TAFA4: variants seen among roughly 807,000 people sequenced by gnomAD.
The protein encoded by TAFA4 is TAFA chemokine like family member 4.
Under a neutral mutation model 21.1 loss-of-function variants are expected in TAFA4, and 20 were observed. That is an observed-to-expected ratio of 0.95 (90% confidence interval 0.67 to 1.38). The LOEUF (loss-of-function observed/expected upper bound fraction) is 1.38. Among genes scored for constraint, TAFA4 ranks in the 40% most tolerant of loss-of-function variants. TAFA4 has a pLI of 0.00. For missense variants in TAFA4, 211 were observed against 180.9 expected (o/e 1.17, Z -0.95); for synonymous variants, 71 against 67.4 (o/e 1.05, Z -0.26).
chr3:68,810,107 A>G (rs1335188397), intron 3 of TAFA4, among the ~76,000 whole-genome samples: 1 of 152,162 alleles, frequency 6.6e-6, no homozygotes, highest in African/African-American at 2.4e-5. Flanking sequence ...CTACCTCTAT[A>G]AAAAATGTGA....
At chr3:68,919,996 G>C (rs2107020771) in intron 1 of TAFA4, among the ~76,000 whole-genome samples, 1 of 152,196 alleles carries the variant, frequency 6.6e-6, no homozygotes, top group Non-Finnish European at 1.5e-5. Flanking sequence ...ATTATGAGAA[G>C]GCTTTAAACA....
intron 4 of TAFA4, among the ~76,000 whole-genome samples, chr3:68,740,660 A>T (rs902251571): frequency 6.6e-6 from 1 of 152,088 alleles, no homozygotes; most frequent in Non-Finnish European, 1.5e-5. Flanking sequence ...CATTTGATGT[A>T]GTCCCAATTG....
intron 1 of TAFA4, among the ~76,000 whole-genome samples, chr3:68,906,169 C>G (rs372103813): frequency 6.6e-6 from 1 of 152,196 alleles, no homozygotes; most frequent in South Asian, 2.1e-4. Context: ...TTCAAAGGAA[C>G]AAGTGTCGTT....
intron 3 of TAFA4, among the ~76,000 whole-genome samples, chr3:68,801,793 A>G (rs1446913757): frequency 6.6e-6 from 1 of 152,196 alleles, no homozygotes; most frequent in Admixed American, 6.5e-5. Flanking sequence ...GTGCCCTACA[A>G]AAAGATACAG....
rs2089659220 is a variant in TAFA4, at chr3:68,885,277, T to C, written c.-89A>G. On this transcript the variant is annotated 5_prime_UTR_variant, in exon 2 of 6. Coordinates refer to ENST00000295569, the MANE Select transcript of TAFA4 (RefSeq NM_182522.5). ...ATCTGTTGCTAGAACCAATCATTTC[T>C]GCCGTTCCAAAAAATTATCGTAGCT... The C allele has an allele frequency of 5.3e-6, 7 of 1,328,026 alleles. No homozygotes were observed. Among genetic ancestry groups the C allele is most frequent in the Non-Finnish European group, 7.3e-6 (7 of 953,878 alleles). The allele number at this position is 1,328,026 out of a possible 1,614,324, so 82.3% of individuals were successfully genotyped here. A position where few individuals can be genotyped will look rare whatever the true frequency, so the allele number is the denominator to read the frequency against.
At chr3:68,882,971 A>G (rs936120687) in intron 2 of TAFA4, 1 of 152,258 alleles carries the variant, frequency 6.6e-6, no homozygotes, top group African/African-American at 2.4e-5. Context: ...ACAACAATCT[A>G]TAGCCATACT....
At position 68,753,020 on chromosome 3, in the gene TAFA4, TA is replaced by T. The variant is rs775169718; in HGVS notation, c.131-3del. ...TCCCTTGCTTGATTTGGTGGTGACC[TA>T]GTTGGTAATGGGGGAGAAAAACAAA... On this transcript the variant is annotated splice_polypyrimidine_tract_variant and splice_region_variant and intron_variant, in intron 3 of 5. Coordinates refer to ENST00000295569, the MANE Select transcript of TAFA4 (RefSeq NM_182522.5). 6.2e-6 allele frequency: 10 copies of T among 1,611,946 alleles called. No homozygotes were observed. The South Asian group carries it at 9.9e-5, about 16-fold the overall frequency.
At chr3:68,893,960 G>T (rs910108726) in intron 1 of TAFA4, among the ~76,000 whole-genome samples, 1 of 151,966 alleles carries the variant, frequency 6.6e-6, no homozygotes, top group African/African-American at 2.4e-5. Context: ...TAAATAGAAT[G>T]CAAACTATCC....
chr3:68,773,900 G>A (rs931731559), intron 3 of TAFA4, among the ~76,000 whole-genome samples: 1 of 152,178 alleles, frequency 6.6e-6, no homozygotes, highest in African/African-American at 2.4e-5. Flanking sequence ...GCAAGCGTGA[G>A]ACTTACTCAA....
intron 3 of TAFA4, among the ~76,000 whole-genome samples, chr3:68,853,054 G>T (rs980578220): frequency 5.3e-5 from 8 of 151,948 alleles, no homozygotes; most frequent in Admixed American, 3.3e-4. Context: ...GAAATGCAAA[G>T]GTTCAATTAT....
chr3:68,823,101 G>T (rs1180918424), intron 3 of TAFA4, among the ~76,000 whole-genome samples: 1 of 152,138 alleles, frequency 6.6e-6, no homozygotes, highest in African/African-American at 2.4e-5. Flanking sequence ...GTTTCACCAT[G>T]ATTTCTGGTG....
At chr3:68,765,928 T>G (rs1184533634) in intron 3 of TAFA4, among the ~76,000 whole-genome samples, 2 of 152,154 alleles carry the variant, frequency 1.3e-5, no homozygotes, top group African/African-American at 4.8e-5. Flanking sequence ...TGACCATCAG[T>G]GTACTCAAAA....
chr3:68,861,850 G>A (rs1222386810), intron 3 of TAFA4, among the ~76,000 whole-genome samples: 2 of 152,076 alleles, frequency 1.3e-5, no homozygotes, highest in African/African-American at 4.8e-5. Flanking sequence ...CTGAGAAGAC[G>A]AAGGTGGGTA....
intron 3 of TAFA4, among the ~76,000 whole-genome samples, chr3:68,832,442 C>G (rs1047269764): frequency 6.6e-5 from 10 of 152,214 alleles, no homozygotes; most frequent in Admixed American, 2.0e-4. Context: ...AGAAGCCCCT[C>G]AACTGCAGAT....
At chr3:68,771,487 C>A (rs1702956619) in intron 3 of TAFA4, among the ~76,000 whole-genome samples, 1 of 152,222 alleles carries the variant, frequency 6.6e-6, no homozygotes, top group Admixed American at 6.5e-5. Flanking sequence ...AAAATATGAG[C>A]CACACCCTGT....
chr3:68,850,163 C>T (rs762775915), intron 3 of TAFA4, among the ~76,000 whole-genome samples: 2 of 152,288 alleles, frequency 1.3e-5, no homozygotes, highest in Admixed American at 6.5e-5. Context: ...AAATGCAACT[C>T]ATTTATACTA....
intron 3 of TAFA4, among the ~76,000 whole-genome samples, chr3:68,790,810 G>A (rs1300495127): frequency 6.6e-6 from 1 of 152,196 alleles, no homozygotes; most frequent in African/African-American, 2.4e-5. Context: ...TAGCACTAAT[G>A]AAGGAAGGAA....
chr3:68,905,759 T>C (rs1020337748), intron 1 of TAFA4, among the ~76,000 whole-genome samples: 2 of 152,156 alleles, frequency 1.3e-5, no homozygotes, highest in African/African-American at 4.8e-5. Context: ...GAAGGGAACA[T>C]CTGTTATAAT....
At position 68,759,653 on chromosome 3, in the gene TAFA4, A is replaced by G. The variant is rs533260949; in HGVS notation, c.131-6635T>C. Among the ~76,000 whole-genome samples, 30 of 152,316 alleles carry G rather than the reference A, an allele frequency of 2.0e-4. No homozygotes were observed. The South Asian group carries it at 5.4e-3, about 27-fold the overall frequency. ...AAAACTGAAGCTAAATATTGAGAAC[A>G]TAACATGAGGCCCCTGCAATAAGTG... On this transcript the variant is annotated intron_variant, in intron 3 of 5. Coordinates refer to ENST00000295569, the MANE Select transcript of TAFA4 (RefSeq NM_182522.5).
Sources: allele counts gnomAD v4.1 joint callset (sites outside exome capture counted in the v4.1 genomes callset), GRCh38; gene constraint gnomAD v4.1.1; transcripts MANE v1.5; gene names NCBI Gene and HGNC (gene_info 2026-07-23, HGNC 2026-07-21).